HAGH: variants seen among roughly 807,000 people sequenced by gnomAD.
The protein encoded by HAGH is hydroxyacylglutathione hydrolase, mitochondrial.
A neutral mutation model predicts 35.1 loss-of-function variants in HAGH; 29 were observed. That is an observed-to-expected ratio of 0.83 (90% confidence interval 0.62 to 1.13). The LOEUF is 1.13. Ranked by LOEUF, HAGH falls within the 50% of genes most tolerant of loss-of-function variation. HAGH has a pLI of 0.00. For synonymous variants in HAGH, 225 were observed against 176.1 expected, an observed-to-expected ratio of 1.28 and a Z score of -2.20; for missense variants, 478 against 419.6, an observed-to-expected ratio of 1.14 and a Z score of -1.22.
In HAGH at chr16:1,822,907, C is replaced by G. The variant is rs761594986; in HGVS notation, c.207G>C (p.Glu69Asp). ...DNYMYLVIDD[E>D]TKEAAIVDPV... Reference sequence around the variant, plus strand: ...GATCCACAATGGCAGCCTCCTTGGTCTCATCATCAATGACCAGGTACATGT... The same window carrying G: ...GATCCACAATGGCAGCCTCCTTGGTGTCATCATCAATGACCAGGTACATGT... Residue 69 changes from glutamate (E) to aspartate (D), a missense_variant, in exon 2 of 9, where the codon GAG becomes GAC. Transcript: ENST00000397356. 2.5e-6 allele frequency: 4 copies of G among 1,613,892 alleles called. No homozygotes were observed. The South Asian group carries it at 4.4e-5, about 18-fold the overall frequency.
rs1345874536 is a variant in HAGH, at chr16:1,809,192, A to T, written c.*91T>A. 1.2e-6 allele frequency: 1 copy of T among 847,322 alleles called. No individual in the cohort carries two copies. Among genetic ancestry groups the T allele is most frequent in the Non-Finnish European group, 1.9e-6 (1 of 520,062 alleles). The allele number at this position is 847,322 out of a possible 1,614,324, so 52.5% of individuals were successfully genotyped here. A position where few individuals can be genotyped will look rare whatever the true frequency, so the allele number is the denominator to read the frequency against. On this transcript the variant is annotated 3_prime_UTR_variant, in exon 9 of 9. Transcript: ENST00000397356. ...GCCAAGGGCTGTAAAATTAAGGTTAAATCAAGACTGAATTTCCCGCACGGA... is the reference window on the plus strand; with the variant it reads ...GCCAAGGGCTGTAAAATTAAGGTTATATCAAGACTGAATTTCCCGCACGGA...
intron 7 of HAGH, among the ~76,000 whole-genome samples, chr16:1,816,159 A>G (rs1484100684): frequency 7.0e-6 from 1 of 143,118 alleles, no homozygotes; most frequent in Non-Finnish European, 1.5e-5. Flanking sequence ...AGCCGAGATT[A>G]CGCCACTGTA....
intron 7 of HAGH, chr16:1,810,660 A>G (rs10083731): frequency 0.11 from 17,229 of 152,770 alleles, 1,195 homozygotes; most frequent in African/African-American, 0.19. Context: ...GGGTCTCCAC[A>G]CAGCCCCGGC....
At position 1,808,043 on chromosome 16, in the gene HAGH, C is replaced by G. The variant is rs981675444; in HGVS notation, c.*1240G>C. The stretch of plus-strand genomic sequence containing the variant: ...GCAGTCAGTCAGTCAGTGAATAGGT[C>G]AAATGTTTCAGAACACGCGAGAGGC... On this transcript the variant is annotated 3_prime_UTR_variant, in exon 9 of 9. Transcript: ENST00000397356. The G allele has an allele frequency of 3.3e-5, 5 of 152,216 alleles. No homozygotes were observed. Among genetic ancestry groups the G allele is most frequent in the African/African-American group, 1.2e-4 (5 of 41,436 alleles). The allele number at this position is 152,216 out of a possible 1,614,324, so 9.4% of individuals were successfully genotyped here. A position where few individuals can be genotyped will look rare whatever the true frequency, so the allele number is the denominator to read the frequency against.
chr16:1,809,455 G>T (rs1404434458), intron 8 of HAGH, 73 bp from the exon 9 acceptor site: 2 of 1,264,944 alleles, frequency 1.6e-6, no homozygotes, highest in Non-Finnish European at 2.3e-6. Context: ...CACTGCAGAG[G>T]AAGGCGACTC....
upstream of HAGH, chr16:1,826,974 C>A (rs952046907): frequency 1.6e-6 from 1 of 611,464 alleles, no homozygotes; most frequent in Non-Finnish European, 2.6e-6. Flanking sequence ...TGCCACGGGC[C>A]GGGAGACGGG....
chr16:1,819,140 G>T lies in HAGH; in HGVS notation c.516C>A (p.Gly172=). The T allele has an allele frequency of 6.2e-7, 1 of 1,612,198 alleles. No homozygotes were observed. The highest frequency in any genetic ancestry group is 8.5e-7 in the Non-Finnish European group (1 of 1,178,740). The change falls in exon 5 of 9, where the codon GGC becomes GGA. Residue 172 remains glycine, a synonymous_variant. Transcript: ENST00000397356. ...HICYFVSKPG[G]SEPPAVFTGD... is the part of the protein sequence containing the mutation. ...CTGTGAACACGGCAGGGGGCTCCGA[G>T]CCTCCGGGCTTGCTCACGAAGTAAC...
intron 7 of HAGH, among the ~76,000 whole-genome samples, chr16:1,814,681 C>G (rs1177778531): frequency 6.7e-6 from 1 of 149,456 alleles, no homozygotes; most frequent in African/African-American, 2.4e-5. Flanking sequence ...GGGTGGATCA[C>G]GAGGTCAGGA....
At chr16:1,818,350 G>A (rs2142039937) in intron 5 of HAGH, among the ~76,000 whole-genome samples, 1 of 152,176 alleles carries the variant, frequency 6.6e-6, no homozygotes, top group East Asian at 1.9e-4. Context: ...TCACAGCGAG[G>A]CGCCCGTCCC....
rs911129893 is a variant in HAGH, at chr16:1,819,101, A to C, written c.541+14T>G. 7.8e-6 allele frequency: 12 copies of C among 1,541,154 alleles called. No individual in the cohort carries two copies. Among genetic ancestry groups the C allele is most frequent in the Non-Finnish European group, 2.7e-6 (3 of 1,114,884 alleles). On this transcript the variant is annotated intron_variant, in intron 5 of 8. Transcript: ENST00000397356. ...ACGAAGAACCCCCGCCCCCACCCACACTCGAACACGCACCTGTGAACACGG... is the reference window on the plus strand; with the variant it reads ...ACGAAGAACCCCCGCCCCCACCCACCCTCGAACACGCACCTGTGAACACGG...
At chr16:1,820,210 C>A (rs911200123) in intron 3 of HAGH, among the ~76,000 whole-genome samples, 196 bp from the exon 4 acceptor site, 1 of 151,868 alleles carries the variant, frequency 6.6e-6, no homozygotes, top group Admixed American at 6.6e-5. Context: ...GCCAGGGTTC[C>A]GAGCGTGGGG....
chr16:1,820,987 G>C (rs561137133), intron 3 of HAGH, among the ~76,000 whole-genome samples: 1 of 152,156 alleles, frequency 6.6e-6, no homozygotes, highest in Admixed American at 6.5e-5. Flanking sequence ...AGACGTCTGC[G>C]GCGAGGCCGG....
intron 7 of HAGH, 80 bp downstream of exon 7, chr16:1,816,813 A>G (rs1897912119): frequency 1.9e-5 from 16 of 849,446 alleles, no homozygotes; most frequent in Non-Finnish European, 3.2e-5. Context: ...GTGAGTGTCT[A>G]CCCACTCTGG....
intron 5 of HAGH, among the ~76,000 whole-genome samples, chr16:1,817,530 CCCA>C (rs142111226): frequency 0.092 from 13,997 of 152,180 alleles, 781 homozygotes; most frequent in African/African-American, 0.16. Context: ...TGCCCCCAAT[CCCA>C]CCAACTGTGG....
chr16:1,824,291 G>A (rs527778353), intron 1 of HAGH, among the ~76,000 whole-genome samples: 3 of 150,478 alleles, frequency 2.0e-5, no homozygotes, highest in Non-Finnish European at 4.4e-5. Flanking sequence ...ACAAAAATCA[G>A]CAGTTCCTTT....
In HAGH at chr16:1,826,797, CG is replaced by C; in HGVS notation, c.-11del. On this transcript the variant is annotated 5_prime_UTR_variant, in exon 1 of 9. Transcript: ENST00000397356. ...CTCGGCCCACCACCATGACCCGGGC[CG>C]GGCTGGACTGCCGAGCTGCCCAGGA... is the stretch of plus-strand genomic sequence containing the variant. The C allele has an allele frequency of 1.6e-6, 2 of 1,218,678 alleles. No individual in the cohort carries two copies. The highest frequency in any genetic ancestry group is 2.0e-6 in the Non-Finnish European group (2 of 977,568). The allele number at this position is 1,218,678 out of a possible 1,614,324, so 75.5% of individuals were successfully genotyped here. A position where few individuals can be genotyped will look rare whatever the true frequency, so the allele number is the denominator to read the frequency against.
chr16:1,816,302 C>CTCTAAGAAATTGAAAAAGA (rs1897890643), intron 7 of HAGH, among the ~76,000 whole-genome samples: 1 of 151,302 alleles, frequency 6.6e-6, no homozygotes, highest in African/African-American at 2.4e-5. Context: ...ATGTTAACCT[C>CTCTAAGAAATTGAAAAAGA]TACTCTAAGA....
chr16:1,825,248 G>A (rs2142054329), intron 1 of HAGH, among the ~76,000 whole-genome samples: 1 of 152,324 alleles, frequency 6.6e-6, no homozygotes, highest in East Asian at 1.9e-4. Context: ...AGCCCGGGAG[G>A]CAGAGGTTGC....
At position 1,819,105 on chromosome 16, in the gene HAGH, G is replaced by A. The variant is rs570762699; in HGVS notation, c.541+10C>T. 1.2e-5 allele frequency: 18 copies of A among 1,563,960 alleles called. No homozygotes were observed. Among genetic ancestry groups the A allele is most frequent in the South Asian group, 5.6e-5 (5 of 89,984 alleles). The stretch of plus-strand genomic sequence containing the variant: ...AGAACCCCCGCCCCCACCCACACTC[G>A]AACACGCACCTGTGAACACGGCAGG... On this transcript the variant is annotated intron_variant, in intron 5 of 8. Transcript: ENST00000397356.
Sources: allele counts gnomAD v4.1 joint callset (sites outside exome capture counted in the v4.1 genomes callset), GRCh38; gene constraint gnomAD v4.1.1; transcripts MANE v1.5; gene names NCBI Gene and HGNC (gene_info 2026-07-23, HGNC 2026-07-21).